The following LINGO2 variants were observed in gnomAD, a reference collection of about 807,000 sequenced individuals.
LINGO2 encodes the protein leucine rich repeat and Ig domain containing 2.
In LINGO2, 14 loss-of-function variants were observed where a neutral mutation model predicts 30.6. The ratio of observed to expected loss-of-function variants is 0.46; its 90% CI spans 0.30 to 0.72. The LOEUF (loss-of-function observed/expected upper bound fraction) is 0.72, where lower values mean the gene tolerates loss of function less well. LINGO2 is among the 30% of genes least tolerant of loss of function. LINGO2 has a pLI of 0.07. For missense variants in LINGO2, 729 were observed against 751.7 expected (o/e 0.97, Z 0.35); for synonymous variants, 317 against 288.5 (o/e 1.10, Z -1.00).
intron 4 of LINGO2, among the ~76,000 whole-genome samples, chr9:28,221,155 C>T (rs1486526516): frequency 1.3e-5 from 2 of 151,770 alleles, no homozygotes; most frequent in African/African-American, 2.4e-5. Flanking sequence ...AAAAATTAGC[C>T]GGGCGTGGTG....
the LINGO2 span, among the ~76,000 whole-genome samples, chr9:28,995,665 A>G: frequency 6.6e-6 from 1 of 152,250 alleles, no homozygotes; most frequent in African/African-American, 2.4e-5. Flanking sequence ...TGTGGCACAT[A>G]TACACTATGG....
intron 1 of LINGO2, among the ~76,000 whole-genome samples, chr9:28,643,362 A>G (rs1827688852): frequency 6.6e-6 from 1 of 152,208 alleles, no homozygotes; most frequent in African/African-American, 2.4e-5. Context: ...ACGGAACAGA[A>G]TAGAAGACCC....
At chr9:28,921,101 G>T in the LINGO2 span, among the ~76,000 whole-genome samples, 1 of 152,066 alleles carries the variant, frequency 6.6e-6, no homozygotes, top group Non-Finnish European at 1.5e-5. Flanking sequence ...AAAATTGAGA[G>T]GCAGCTTTAT....
chr9:28,235,882 A>C (rs1821545406), intron 4 of LINGO2, among the ~76,000 whole-genome samples: 1 of 152,186 alleles, frequency 6.6e-6, no homozygotes, highest in African/African-American at 2.4e-5. Flanking sequence ...TAAGGAGGAG[A>C]TAGAGAAAGA....
At chr9:29,118,191 C>A in the LINGO2 span, among the ~76,000 whole-genome samples, 9 of 152,228 alleles carry the variant, frequency 5.9e-5, 1 homozygote, top group East Asian at 9.7e-4. Flanking sequence ...TTGACTTACC[C>A]TGTGGGCTGT....
chr9:28,696,143 T>A, the LINGO2 span, among the ~76,000 whole-genome samples: 1 of 152,066 alleles, frequency 6.6e-6, no homozygotes, highest in East Asian at 1.9e-4. Context: ...TCCAAAGCTA[T>A]CCTAAGCTAC....
intron 3 of LINGO2, among the ~76,000 whole-genome samples, chr9:28,347,243 A>G (rs1819618554): frequency 6.6e-6 from 1 of 152,226 alleles, no homozygotes; most frequent in African/African-American, 2.4e-5. Context: ...TAAACCTATT[A>G]TAGCCTTTAT....
chr9:29,004,997 GTATC>G, the LINGO2 span, among the ~76,000 whole-genome samples: 11 of 151,890 alleles, frequency 7.2e-5, no homozygotes, highest in African/African-American at 2.2e-4. Context: ...TACTTAGAAA[GTATC>G]TGCCATGTGG....
chr9:28,003,324 C>CATATAGAG (rs1461111135), intron 5 of LINGO2, among the ~76,000 whole-genome samples: 5 of 141,908 alleles, frequency 3.5e-5, no homozygotes, highest in Admixed American at 3.5e-4. Flanking sequence ...TTTTGTTAAC[C>CATATAGAG]ATATAGATAT....
At chr9:27,978,655 TA>T in intron 5 of LINGO2, among the ~76,000 whole-genome samples, 1 of 152,090 alleles carries the variant, frequency 6.6e-6, no homozygotes, top group East Asian at 1.9e-4. Context: ...TTCTGTGGTT[TA>T]CAAGCCACCT....
At chr9:29,179,306 G>A in the LINGO2 span, among the ~76,000 whole-genome samples, 2 of 150,806 alleles carry the variant, frequency 1.3e-5, no homozygotes, top group Non-Finnish European at 3.0e-5. Flanking sequence ...TCCCAGGGAG[G>A]CTTGTTTCCC....
At chr9:27,945,808 G>A (rs2118202301), downstream of LINGO2, among the ~76,000 whole-genome samples, 1 of 152,204 alleles carries the variant, frequency 6.6e-6, no homozygotes, top group East Asian at 1.9e-4. Context: ...AAGAACCCAA[G>A]ATCTGCTCAG....
At chr9:28,736,579 T>A in the LINGO2 span, among the ~76,000 whole-genome samples, 1 of 152,032 alleles carries the variant, frequency 6.6e-6, no homozygotes, top group Admixed American at 6.5e-5. Flanking sequence ...TCGCCTGAGG[T>A]CAGGAGTTCG....
At chr9:28,904,215 T>G in the LINGO2 span, among the ~76,000 whole-genome samples, 2 of 151,100 alleles carry the variant, frequency 1.3e-5, no homozygotes, top group Non-Finnish European at 2.9e-5. Flanking sequence ...GGAATGCACC[T>G]CAACACAATA....
chr9:27,974,437 GT>G (rs1179084321), intron 5 of LINGO2, among the ~76,000 whole-genome samples: 1 of 152,042 alleles, frequency 6.6e-6, no homozygotes, highest in Non-Finnish European at 1.5e-5. Flanking sequence ...CGGTAGCAAT[GT>G]CTGAAAAACA....
At chr9:28,757,417 G>T in the LINGO2 span, among the ~76,000 whole-genome samples, 1 of 151,864 alleles carries the variant, frequency 6.6e-6, no homozygotes, top group African/African-American at 2.4e-5. Context: ...GAGCCAGGAT[G>T]GTGTAATGTT....
intron 4 of LINGO2, among the ~76,000 whole-genome samples, chr9:28,194,863 G>A (rs985408953): frequency 3.3e-5 from 5 of 151,980 alleles, no homozygotes; most frequent in African/African-American, 1.2e-4. Flanking sequence ...AATGTACAAA[G>A]ATCTAACAAT....
intron 4 of LINGO2, among the ~76,000 whole-genome samples, chr9:28,118,453 A>G (rs1038465414): frequency 6.6e-6 from 1 of 152,164 alleles, no homozygotes; most frequent in African/African-American, 2.4e-5. Context: ...TGTTAGTTTA[A>G]TAAGGAGAAG....
At chr9:29,066,400 G>A in the LINGO2 span, among the ~76,000 whole-genome samples, 16 of 152,012 alleles carry the variant, frequency 1.1e-4, no homozygotes, top group African/African-American at 3.9e-4. Context: ...GTGTACTGAA[G>A]AGGGAATTTG....
Sources: allele counts gnomAD v4.1 joint callset (sites outside exome capture counted in the v4.1 genomes callset), GRCh38; gene constraint gnomAD v4.1.1; transcripts MANE v1.5; gene names NCBI Gene and HGNC (gene_info 2026-07-23, HGNC 2026-07-21).